Variants in PCDHGA4 observed in about 807,000 individuals in gnomAD.
The protein encoded by PCDHGA4 is protocadherin gamma-A4.
In PCDHGA4, 38 loss-of-function variants were observed where a neutral mutation model predicts 54.6. The ratio of observed to expected loss-of-function variants is 0.70; its 90% confidence interval spans 0.54 to 0.91. The LOEUF is 0.91. Ranked by LOEUF, PCDHGA4 falls within the 40% of genes least tolerant of loss-of-function variation. PCDHGA4 has a pLI of 0.00. For synonymous variants in PCDHGA4, 511 were observed against 512.9 expected (o/e 1.00, Z 0.05); for missense variants, 1,298 against 1,220.9 (o/e 1.06, Z -0.94).
At position 141,491,952 on chromosome 5, in the gene PCDHGA4, C is replaced by A; in HGVS notation, c.2515-2855C>A. 9.4e-7 allele frequency: 1 copy of A among 1,062,954 alleles called. No homozygotes were observed. The allele number at this position is 1,062,954 out of a possible 1,614,324, so 65.8% of individuals were successfully genotyped here. On this transcript the variant is annotated intron_variant, in intron 1 of 3. Coordinates refer to ENST00000571252, the MANE Select transcript of PCDHGA4 (RefSeq NM_018917.4). The surrounding 1 kb of genome is among the most constrained non-coding windows in gnomAD (Gnocchi z 6.9). ...GGTGGGACCGACCCCCACCCCTACA[C>A]TCAAAAAAGGCCGGGGCCTCCTTCG...
Position 141,432,683 on chromosome 5 carries a change from C to T in PCDHGA4, c.2515-62124C>T, listed in dbSNP as rs138402830. The T allele has an allele frequency of 4.8e-5, 78 of 1,613,968 alleles. No individual in the cohort carries two copies. In the African/African-American group the frequency reaches 9.5e-4, roughly 20 times the overall value. On this transcript the variant is annotated intron_variant, in intron 1 of 3. Transcript: ENST00000571252. The surrounding 1 kb of genome is among the most constrained non-coding windows in gnomAD (Gnocchi z 6.0). ...GGACAGAGACGCGCTCAAGCAGAGC[C>T]TCGTAGTGGCCGTCCAGGACCACGG...
intron 1 of PCDHGA4, among the ~76,000 whole-genome samples, chr5:141,452,068 A>G (rs554365813): frequency 1.1e-3 from 160 of 152,308 alleles, no homozygotes; most frequent in Middle Eastern, 6.8e-3. Flanking sequence ...TTCTACTTTT[A>G]TTAGTTGGCA....
chr5:141,399,886 G>T, intron 1 of PCDHGA4: 1 of 1,612,706 alleles, frequency 6.2e-7, no homozygotes, highest in Non-Finnish European at 8.5e-7. Flanking sequence ...GGTGACCAAG[G>T]TAGTGGCCGT....
chr5:141,365,600 G>A (rs1234948467), intron 1 of PCDHGA4: 1 of 1,613,374 alleles, frequency 6.2e-7, no homozygotes, highest in East Asian at 2.2e-5. Context: ...CACTTTAACC[G>A]TCATGGACCA....
At chr5:141,366,341 A>G in intron 1 of PCDHGA4, 1 of 1,613,914 alleles carries the variant, frequency 6.2e-7, no homozygotes, top group South Asian at 1.1e-5. Flanking sequence ...GATCCCTGAC[A>G]TCCTGGCTGA....
intron 1 of PCDHGA4, chr5:141,394,162 C>T: frequency 6.2e-7 from 1 of 1,613,904 alleles, no homozygotes; most frequent in Non-Finnish European, 8.5e-7. Context: ...GACAACCCTC[C>T]TACTTTCCCT....
Position 141,429,387 on chromosome 5 carries a change from TAAA to T in PCDHGA4, c.2515-65414_2515-65412del, listed in dbSNP as rs11410533. Among the ~76,000 whole-genome samples, 27 of 151,446 alleles carry T rather than the reference TAAA, an allele frequency of 1.8e-4. No homozygotes were observed. In the East Asian group the frequency reaches 1.9e-3, roughly 11 times the overall value. ...AAATGGAGAAAATGTGTTTTTTTTTTAAAAAAAATTGAGATTAAGGTCTCATTA... is the reference window on the plus strand; with the variant it reads ...AAATGGAGAAAATGTGTTTTTTTTTTAAAAATTGAGATTAAGGTCTCATTA... On this transcript the variant is annotated intron_variant, in intron 1 of 3. Coordinates refer to ENST00000571252, the MANE Select transcript of PCDHGA4 (RefSeq NM_018917.4).
Position 141,491,176 on chromosome 5 carries a change from G to A in PCDHGA4, c.2515-3631G>A. The A allele has an allele frequency of 1.2e-6, 2 of 1,614,210 alleles. No homozygotes were observed. The highest frequency in any genetic ancestry group is 8.5e-7 in the Non-Finnish European group (1 of 1,180,024). On this transcript the variant is annotated intron_variant, in intron 1 of 3. Transcript: ENST00000571252. The surrounding 1 kb of genome is among the most constrained non-coding windows in gnomAD (Gnocchi z 6.9). ...TGACTCTGACACCCAGCAGGTGGTG[G>A]TCCTGGTGAGGGACAATGGTGACCC...
At chr5:141,371,597 A>C (rs982667859) in intron 1 of PCDHGA4, 7 of 1,613,908 alleles carry the variant, frequency 4.3e-6, no homozygotes, top group Non-Finnish European at 5.9e-6. Flanking sequence ...CCAAAAACAC[A>C]TACAGGTTGG....
At chr5:141,386,678 G>T (rs1376452903) in intron 1 of PCDHGA4, among the ~76,000 whole-genome samples, 2 of 152,012 alleles carry the variant, frequency 1.3e-5, no homozygotes, top group African/African-American at 4.8e-5. Context: ...CATTTCAGAT[G>T]TACAATCACT....
intron 1 of PCDHGA4, chr5:141,408,609 A>G (rs765291231): frequency 1.2e-5 from 19 of 1,613,970 alleles, no homozygotes; most frequent in Non-Finnish European, 3.4e-6. Flanking sequence ...TTTGATAAAA[A>G]GGAAATACAT....
At chr5:141,398,421 G>A in intron 1 of PCDHGA4, 2 of 1,510,606 alleles carry the variant, frequency 1.3e-6, no homozygotes, top group Non-Finnish European at 1.8e-6. Context: ...TATGCGGGAA[G>A]AAGCCAGCTT....
chr5:141,384,704 C>T (rs1191674511), intron 1 of PCDHGA4: 2 of 1,614,004 alleles, frequency 1.2e-6, no homozygotes, highest in African/African-American at 2.7e-5. Flanking sequence ...GGCCAGAACG[C>T]CTGGCTGTCA....
chr5:141,459,506 A>G (rs1156362858), intron 1 of PCDHGA4, among the ~76,000 whole-genome samples: 1 of 152,236 alleles, frequency 6.6e-6, no homozygotes, highest in East Asian at 1.9e-4. Flanking sequence ...GATGTGAACA[A>G]TCATGTACAA....
At chr5:141,386,621 G>T (rs780529864) in intron 1 of PCDHGA4, among the ~76,000 whole-genome samples, 1 of 151,474 alleles carries the variant, frequency 6.6e-6, no homozygotes, top group Non-Finnish European at 1.5e-5. Flanking sequence ...ATGGAGTCTC[G>T]CTCTGTCACC....
Position 141,476,562 on chromosome 5 carries a change from C to G in PCDHGA4, c.2515-18245C>G. 1 of 1,614,218 alleles carries G rather than the reference C, an allele frequency of 6.2e-7. No individual in the cohort carries two copies. The highest frequency in any genetic ancestry group is 1.1e-5 in the South Asian group (1 of 91,088). On this transcript the variant is annotated intron_variant, in intron 1 of 3. Transcript: ENST00000571252. This position sits in a 1 kb window ranked among gnomAD's most constrained non-coding sequence, Gnocchi z 7.6. The stretch of plus-strand genomic sequence containing the variant: ...AAATTGGAGATTAGCGAGGCCGTGG[C>G]TCCGGGGACGCGCTTTCCGCTCGAG...
intron 1 of PCDHGA4, chr5:141,394,218 G>C: frequency 6.2e-7 from 1 of 1,613,918 alleles, no homozygotes; most frequent in Non-Finnish European, 8.5e-7. Context: ...CCTGAGAGGA[G>C]CCTCCATCTT....
At position 141,432,643 on chromosome 5, in the gene PCDHGA4, G is replaced by A. The variant is rs2097523971; in HGVS notation, c.2515-62164G>A. 15 of 1,613,754 alleles carry A rather than the reference G, an allele frequency of 9.3e-6. No homozygotes were observed. Among genetic ancestry groups the A allele is most frequent in the East Asian group, 4.5e-5 (2 of 44,860 alleles). ...GTCTGCACACGGGCGAGGTGCGCAC[G>A]GCGCGAGCCCTGCTGGACAGAGACG... On this transcript the variant is annotated intron_variant, in intron 1 of 3. Coordinates refer to ENST00000571252, the MANE Select transcript of PCDHGA4 (RefSeq NM_018917.4). This position sits in a 1 kb window ranked among gnomAD's most constrained non-coding sequence, Gnocchi z 6.0.
At chr5:141,369,768 A>T (rs548016343) in intron 1 of PCDHGA4, among the ~76,000 whole-genome samples, 1 of 152,252 alleles carries the variant, frequency 6.6e-6, no homozygotes, top group Non-Finnish European at 1.5e-5. Context: ...CGTGAAGCTG[A>T]TATTTCAAGC....
Sources: gnomAD v4.1 joint callset for allele counts (sites outside exome capture counted in the v4.1 genomes callset) on GRCh38, gnomAD v4.1.1 for gene constraint, Gnocchi (gnomAD v3.1) non-coding constraint, MANE v1.5 for transcripts, NCBI Gene and HGNC (gene_info 2026-07-23, HGNC 2026-07-21) for gene names.